The following HDAC9 variants were observed in gnomAD, a reference collection of about 807,000 sequenced individuals.
HDAC9 encodes the protein MEF-2 interacting transcription repressor (MITR) protein.
In HDAC9, 41 loss-of-function variants were observed where a neutral mutation model predicts 139.4. The ratio of observed to expected loss-of-function variants is 0.29; its 90% CI spans 0.23 to 0.38. The LOEUF (loss-of-function observed/expected upper bound fraction) is 0.38. Among genes scored for constraint, HDAC9 ranks in the 10% least tolerant of loss-of-function variants. The pLI is 1.00. For synonymous variants in HDAC9, 517 were observed against 476.2 expected (o/e 1.09, Z -1.12); for missense variants, 1,147 against 1,297.0 (o/e 0.88, Z 1.78).
At position 18,216,155 on chromosome 7, in the gene HDAC9, A is replaced by T. The variant is rs1020332056; in HGVS notation, c.25+53806A>T. Among the ~76,000 whole-genome samples, 28 of 151,718 alleles carry T rather than the reference A, an allele frequency of 1.8e-4. 1 individual carries two copies. The highest frequency in any genetic ancestry group is 7.4e-5 in the Non-Finnish European group (5 of 67,888). On this transcript the variant is annotated intron_variant, in intron 2 of 12. Coordinates refer to the HDAC9 transcript ENST00000417496. The stretch of plus-strand genomic sequence containing the variant: ...GAGAGAGAGAGAGAGAGAGACAGAG[A>T]GAGTTTGAGAGATAGAACAGAGAGA...
chr7:18,087,702 G>T (rs1245506058), intron 1 of HDAC9, among the ~76,000 whole-genome samples: 1 of 152,186 alleles, frequency 6.6e-6, no homozygotes, highest in Non-Finnish European at 1.5e-5. Context: ...GGGAGATAAA[G>T]CAGTTCCTTG....
chr7:18,384,350 C>G (rs992376959), intron 1 of HDAC9, among the ~76,000 whole-genome samples: 6 of 151,858 alleles, frequency 4.0e-5, no homozygotes, highest in African/African-American at 1.5e-4. Flanking sequence ...TACATATGTA[C>G]TAGAAGGATT....
intron 1 of HDAC9, among the ~76,000 whole-genome samples, chr7:18,412,053 C>T (rs1788616912): frequency 6.6e-6 from 1 of 151,678 alleles, no homozygotes; most frequent in African/African-American, 2.4e-5. Context: ...GTCTTGAACT[C>T]CTGACCTCAA....
At chr7:18,752,594 T>G (rs1175446933) in intron 14 of HDAC9, among the ~76,000 whole-genome samples, 1 of 152,096 alleles carries the variant, frequency 6.6e-6, no homozygotes, top group Non-Finnish European at 1.5e-5. Flanking sequence ...AGGATTTGAG[T>G]ACCAGGCGGG....
chr7:18,903,332 C>T (rs561431188), intron 22 of HDAC9, among the ~76,000 whole-genome samples: 7 of 152,294 alleles, frequency 4.6e-5, no homozygotes, highest in African/African-American at 7.2e-5. Context: ...TCATAGTTTA[C>T]GTAAAATACT....
In HDAC9 at chr7:18,623,773, C is replaced by G. The variant is rs193298685; in HGVS notation, c.665-5577C>G. On this transcript the variant is annotated intron_variant, in intron 6 of 25. Coordinates refer to ENST00000686413, the MANE Select transcript of HDAC9 (RefSeq NM_178425.4). Reference sequence around the variant, plus strand: ...CCTTGCCAACATGGTGAAACCCTGTCTCCACTAAAAATACAAAAATTAGCC... The same window carrying G: ...CCTTGCCAACATGGTGAAACCCTGTGTCCACTAAAAATACAAAAATTAGCC... Among the ~76,000 whole-genome samples the G allele has an allele frequency of 2.0e-4, 30 of 152,282 alleles. 1 individual carries two copies. In the East Asian group the frequency reaches 5.2e-3, roughly 26 times the overall value.
In HDAC9 at chr7:18,837,885, G is replaced by A. The variant is rs186367696; in HGVS notation, c.2684+1888G>A. Reference sequence around the variant, plus strand: ...TGGGGTTGACGATTCTCAGAATGGCGCCTTCTCTTTGCCTGGAAGGTGGAC... The same window carrying A: ...TGGGGTTGACGATTCTCAGAATGGCACCTTCTCTTTGCCTGGAAGGTGGAC... On this transcript the variant is annotated intron_variant, in intron 21 of 25. Transcript: ENST00000686413. Among the ~76,000 whole-genome samples, 456 of 152,150 alleles carry A rather than the reference G, an allele frequency of 3.0e-3. 2 individuals are homozygous for A. Among genetic ancestry groups the A allele is most frequent in the African/African-American group, 0.011 (439 of 41,554 alleles).
chr7:18,094,676 G>C (rs1215687468), intron 1 of HDAC9, among the ~76,000 whole-genome samples: 1 of 152,064 alleles, frequency 6.6e-6, no homozygotes, highest in Non-Finnish European at 1.5e-5. Context: ...GAGTGGTCTT[G>C]TACTCCTGGC....
chr7:18,635,684 G>A (rs1041434516), intron 8 of HDAC9, among the ~76,000 whole-genome samples: 11 of 152,018 alleles, frequency 7.2e-5, no homozygotes, highest in South Asian at 2.1e-4. Flanking sequence ...GAGCTGGTGC[G>A]TTAACTTCTA....
At chr7:18,534,405 G>T (rs939682335) in intron 2 of HDAC9, among the ~76,000 whole-genome samples, 3 of 152,198 alleles carry the variant, frequency 2.0e-5, no homozygotes, top group African/African-American at 7.2e-5. Context: ...AAATTAGCCA[G>T]GCATGGCAGT....
intron 17 of HDAC9, among the ~76,000 whole-genome samples, chr7:18,823,557 C>T (rs1354305910): frequency 6.6e-6 from 1 of 152,074 alleles, no homozygotes; most frequent in Non-Finnish European, 1.5e-5. Flanking sequence ...TATGTCTGTG[C>T]CTCCCCAAAA....
chr7:18,742,975 T>G (rs560322058), intron 13 of HDAC9, among the ~76,000 whole-genome samples: 66 of 152,332 alleles, frequency 4.3e-4, no homozygotes, highest in Admixed American at 1.6e-3. Context: ...CAAAACATTT[T>G]CTAAAATCTT....
intron 1 of HDAC9, among the ~76,000 whole-genome samples, chr7:18,100,037 G>T (rs1008101423): frequency 1.3e-5 from 2 of 152,012 alleles, no homozygotes; most frequent in Admixed American, 6.6e-5. Flanking sequence ...AATCCTATCA[G>T]CTTGCTTTTG....
chr7:18,493,503 C>G (rs577019834), upstream of HDAC9, among the ~76,000 whole-genome samples: 8 of 151,984 alleles, frequency 5.3e-5, no homozygotes, highest in South Asian at 2.1e-4. Context: ...AAGCCTGACT[C>G]CAATAGTGAG....
In HDAC9 at chr7:18,368,850, A is replaced by G. The variant is rs926023222; in HGVS notation, c.-42+78335A>G. Among the ~76,000 whole-genome samples, 4 of 152,204 alleles carry G rather than the reference A, an allele frequency of 2.6e-5. 1 individual carries two copies. Among genetic ancestry groups the G allele is most frequent in the Admixed American group, 6.5e-5 (1 of 15,272 alleles). On this transcript the variant is annotated intron_variant, in intron 1 of 3. Coordinates refer to the HDAC9 transcript ENST00000413509. Reference sequence around the variant, plus strand: ...GCCCCTGAGAAGGAACAGGGGTTGTAACTGATGAACTCACTATGTAGGCCA... The same window carrying G: ...GCCCCTGAGAAGGAACAGGGGTTGTGACTGATGAACTCACTATGTAGGCCA...
intron 8 of HDAC9, among the ~76,000 whole-genome samples, chr7:18,641,138 C>T (rs1474204400): frequency 6.6e-6 from 1 of 152,068 alleles, no homozygotes; most frequent in Non-Finnish European, 1.5e-5. Flanking sequence ...AAATCAGTGG[C>T]TTAATTTAAA....
chr7:18,247,213 A>G (rs1794613645), intron 2 of HDAC9, among the ~76,000 whole-genome samples: 2 of 152,038 alleles, frequency 1.3e-5, no homozygotes, highest in Admixed American at 6.6e-5. Flanking sequence ...GGGAGTCATT[A>G]GCATAGAGAT....
intron 21 of HDAC9, among the ~76,000 whole-genome samples, chr7:18,853,831 A>T (rs79445124): frequency 0.043 from 6,575 of 152,286 alleles, 219 homozygotes; most frequent in Middle Eastern, 0.15. Flanking sequence ...AATACATTTT[A>T]AAAAATTAGT....
At chr7:18,092,812 G>T (rs1782253996) in intron 1 of HDAC9, among the ~76,000 whole-genome samples, 1 of 152,106 alleles carries the variant, frequency 6.6e-6, no homozygotes, top group Non-Finnish European at 1.5e-5. Context: ...GGTAATGAGG[G>T]TCCATTTATG....
Sources: allele counts gnomAD v4.1 joint callset (sites outside exome capture counted in the v4.1 genomes callset), GRCh38; gene constraint gnomAD v4.1.1; transcripts MANE v1.5; gene names NCBI Gene and HGNC (gene_info 2026-07-23, HGNC 2026-07-21).